The following TRPV2 variants were observed in gnomAD, a reference collection of about 807,000 sequenced individuals.
The protein encoded by TRPV2 is transient receptor potential cation channel subfamily V member 2.
In TRPV2, 58 loss-of-function variants were observed where a neutral mutation model predicts 91.0. The ratio of observed to expected loss-of-function variants is 0.64; its 90% CI spans 0.52 to 0.79. The LOEUF (loss-of-function observed/expected upper bound fraction) is 0.79. TRPV2 is among the 30% of genes least tolerant of loss of function. The pLI is 0.00. For missense variants in TRPV2, 807 were observed against 969.6 expected (o/e 0.83, Z 2.23); for synonymous variants, 417 against 414.8 (o/e 1.01, Z -0.06).
chr17:16,429,092 G>A (rs778362822), intron 10 of TRPV2, 110 bp downstream of exon 10: 23 of 1,229,530 alleles, frequency 1.9e-5, no homozygotes, highest in Middle Eastern at 2.7e-4. Flanking sequence ...CTGCCTGTGC[G>A]CCAGCACTCA....
rs1344824027 is a variant in TRPV2, at chr17:16,428,354, T to C, written c.1388T>C (p.Ile463Thr). ...TGGCGGCGCCACGTGTTCATCTGGA[T>C]CTCGTTCATAGACAGCTACTTTGAA... ...YFWRRHVFIW[I>T]SFIDSYFEIL... is the part of the protein sequence containing the mutation. The change falls in exon 9 of 15, where the codon ATC (isoleucine) becomes ACC (threonine). Residue 463 changes from isoleucine to threonine, a missense_variant. Physicochemically the swap from Ile to Thr is moderately conservative, Grantham distance 89. Coordinates refer to ENST00000338560, the MANE Select transcript of TRPV2 (RefSeq NM_016113.5). The C allele has an allele frequency of 2.1e-5, 34 of 1,614,076 alleles. No individual in the cohort carries two copies. Among genetic ancestry groups the C allele is most frequent in the Non-Finnish European group, 2.9e-5 (34 of 1,180,032 alleles).
rs751125778 is a variant in TRPV2, at chr17:16,423,647, C to T, written c.804C>T (p.Ser268=). 2 of 1,614,208 alleles carry T rather than the reference C, an allele frequency of 1.2e-6. No homozygotes were observed. Among genetic ancestry groups the T allele is most frequent in the Admixed American group, 3.3e-5 (2 of 60,032 alleles). The change falls in exon 5 of 15, where the codon AGC becomes AGT. Residue 268 remains serine (S), a synonymous_variant. Coordinates refer to ENST00000338560, the MANE Select transcript of TRPV2 (RefSeq NM_016113.5). ...CTGAGAACATTGCACTGGTGACCAG[C>T]ATGTATGATGGGCTCCTCCAAGCTG... The part of the protein sequence containing the change: ...NSAENIALVT[S]MYDGLLQAGA...
Position 16,426,170 on chromosome 17 carries a change from C to T in TRPV2, c.996C>T (p.Cys332=), listed in dbSNP as rs1193199113. The T allele has an allele frequency of 3.1e-6, 5 of 1,614,074 alleles. No homozygotes were observed. Among genetic ancestry groups the T allele is most frequent in the Admixed American group, 3.3e-5 (2 of 59,998 alleles). The change falls in exon 6 of 15, where the codon TGC becomes TGT. Residue 332 remains cysteine, a synonymous_variant. Transcript: ENST00000338560. The surrounding 1 kb of genome is among the most constrained non-coding windows in gnomAD (Gnocchi z 6.0). ...TTTCCCGAAAGTTCACCGAGTGGTG[C>T]TATGGGCCTGTCCGGGTGTCGCTGT... ...SHLSRKFTEW[C]YGPVRVSLYD...
At chr17:16,434,467 C>CA (rs10634588) in intron 13 of TRPV2, among the ~76,000 whole-genome samples, 28,030 of 109,568 alleles carry the variant, frequency 0.26, 3,720 homozygotes, top group Middle Eastern at 0.37. Flanking sequence ...GACTCCATCT[C>CA]AAAAAAAAAA....
rs770893441 is a variant in TRPV2, at chr17:16,427,418, G to A, written c.1252-31G>A. The A allele has an allele frequency of 3.1e-6, 5 of 1,605,684 alleles. No homozygotes were observed. In the Admixed American group the frequency reaches 6.7e-5, roughly 22 times the overall value. On this transcript the variant is annotated intron_variant, in intron 7 of 14. Coordinates refer to ENST00000338560, the MANE Select transcript of TRPV2 (RefSeq NM_016113.5). ...GTGAGCTGTTCGAGAGAGGACCCAA[G>A]GCCCTAGGTCTCATCTGAGTGTGTC...
rs2093338046 is a variant in TRPV2, at chr17:16,417,756, C to G, written c.88C>G (p.Leu30Val). 1 of 1,614,082 alleles carries G rather than the reference C, an allele frequency of 6.2e-7. No homozygotes were observed. Among genetic ancestry groups the G allele is most frequent in the African/African-American group, 1.3e-5 (1 of 74,934 alleles). The change falls in exon 2 of 15, where the codon CTG becomes GTG. Residue 30 changes from leucine (L) to valine (V), a missense_variant. Coordinates refer to ENST00000338560, the MANE Select transcript of TRPV2 (RefSeq NM_016113.5). ...TGGCTCTGAGGCGGACAGAGGAAAGCTGGATTTTGGGAGCGGGCTGCCTCC... is the reference window on the plus strand; with the variant it reads ...TGGCTCTGAGGCGGACAGAGGAAAGGTGGATTTTGGGAGCGGGCTGCCTCC... ...EDGSEADRGK[L>V]DFGSGLPPME...
At chr17:16,436,696 C>A in intron 14 of TRPV2, 93 bp from the exon 15 acceptor site, 3 of 855,778 alleles carry the variant, frequency 3.5e-6, no homozygotes, top group African/African-American at 1.7e-5. Context: ...CACGGCATGA[C>A]GTGTTTTCAT....
rs559856130 is a variant in TRPV2, at chr17:16,428,806, C to G, written c.1422-11C>G. On this transcript the variant is annotated splice_polypyrimidine_tract_variant and intron_variant, in intron 9 of 14. Transcript: ENST00000338560. ...GGCCCGCAAGCCCACCTGGATTCTGCTCCCACACAGCCTGTTCCAGGCCCT... is the reference window on the plus strand; with the variant it reads ...GGCCCGCAAGCCCACCTGGATTCTGGTCCCACACAGCCTGTTCCAGGCCCT... 2.2e-5 allele frequency: 36 copies of G among 1,612,734 alleles called. No homozygotes were observed. In the South Asian group the frequency reaches 3.4e-4, roughly 15 times the overall value.
chr17:16,423,402 G>A, intron 4 of TRPV2, 67 bp from the exon 5 acceptor site: 4 of 1,516,784 alleles, frequency 2.6e-6, no homozygotes, highest in Non-Finnish European at 3.5e-6. Context: ...TTTTGTCCAA[G>A]GAGCATGAGG....
intron 9 of TRPV2, 33 bp from the exon 10 acceptor site, chr17:16,428,784 C>T: frequency 6.2e-6 from 10 of 1,611,622 alleles, no homozygotes; most frequent in East Asian, 2.2e-5. Flanking sequence ...GCCAAGTGGC[C>T]CGCAAGCCCA....
In TRPV2 at chr17:16,423,641, G is replaced by A. The variant is rs1180459272; in HGVS notation, c.798G>A (p.Val266=). The A allele has an allele frequency of 1.2e-6, 2 of 1,614,060 alleles. No individual in the cohort carries two copies. The highest frequency in any genetic ancestry group is 1.7e-6 in the Non-Finnish European group (2 of 1,180,046). ...ACTCAGCTGAGAACATTGCACTGGT[G>A]ACCAGCATGTATGATGGGCTCCTCC... ...SDNSAENIAL[V]TSMYDGLLQA... is the part of the protein sequence containing the mutation. The change falls in exon 5 of 15, where the codon GTG becomes GTA. Residue 266 remains valine (V), a synonymous_variant. Coordinates refer to ENST00000338560, the MANE Select transcript of TRPV2 (RefSeq NM_016113.5).
At position 16,433,684 on chromosome 17, in the gene TRPV2, G is replaced by A; in HGVS notation, c.2100G>A (p.Glu700=). ...VGTKPDGSPD[E]RWCFRVEEVN... ...CTAAGCCAGATGGCAGCCCCGATGA[G>A]CGCTGGTGCTTCAGGTGAGTGAGTG... The change falls in exon 13 of 15, where the codon GAG becomes GAA. Residue 700 remains glutamate, a synonymous_variant. Coordinates refer to ENST00000338560, the MANE Select transcript of TRPV2 (RefSeq NM_016113.5). 1 of 1,613,918 alleles carries A rather than the reference G, an allele frequency of 6.2e-7. No individual in the cohort carries two copies. Among genetic ancestry groups the A allele is most frequent in the Non-Finnish European group, 8.5e-7 (1 of 1,179,982 alleles).
Position 16,426,836 on chromosome 17 carries a change from A to G in TRPV2, c.1210A>G (p.Ile404Val), listed in dbSNP as rs2093385496. The change falls in exon 7 of 15, where the codon ATC (isoleucine) becomes GTC (valine). Residue 404 changes from isoleucine to valine, a missense_variant. Coordinates refer to ENST00000338560, the MANE Select transcript of TRPV2 (RefSeq NM_016113.5). The surrounding 1 kb of genome is among the most constrained non-coding windows in gnomAD (Gnocchi z 6.0). ...CCTGTGTAATCTGATCTACATGTTC[A>G]TCTTCACCGCTGTTGCCTACCATCA... ...NFLCNLIYMF[I>V]FTAVAYHQPT... 1.2e-6 allele frequency: 2 copies of G among 1,613,728 alleles called. No homozygotes were observed. Among genetic ancestry groups the G allele is most frequent in the Non-Finnish European group, 1.7e-6 (2 of 1,179,916 alleles).
chr17:16,421,144 C>T (rs932936226), intron 3 of TRPV2, among the ~76,000 whole-genome samples: 3 of 152,014 alleles, frequency 2.0e-5, no homozygotes, highest in Admixed American at 6.6e-5. Context: ...TTAGGTTGTT[C>T]GTAGTTTTTG....
At position 16,423,595 on chromosome 17, in the gene TRPV2, C is replaced by T. The variant is rs2093368450; in HGVS notation, c.752C>T (p.Ala251Val). 6.2e-7 allele frequency: 1 copy of T among 1,614,118 alleles called. No individual in the cohort carries two copies. Among genetic ancestry groups the T allele is most frequent in the African/African-American group, 1.3e-5 (1 of 74,936 alleles). ...TCCCAGGGCAACACAGTCCTGCATG[C>T]CCTAGTGATGATCTCGGACAACTCA... ...TDSQGNTVLH[A>V]LVMISDNSAE... is the part of the protein sequence containing the mutation. Residue 251 changes from alanine to valine, a missense_variant, in exon 5 of 15, where the codon GCC becomes GTC. By Grantham distance (64) the Ala-to-Val change is moderately conservative. Coordinates refer to ENST00000338560, the MANE Select transcript of TRPV2 (RefSeq NM_016113.5).
rs374553794 is a variant in TRPV2, at chr17:16,433,484, C to T, written c.1990-90C>T. 23 of 1,538,006 alleles carry T rather than the reference C, an allele frequency of 1.5e-5. No homozygotes were observed. The South Asian group carries it at 1.9e-4, about 12-fold the overall frequency. ...CTTCGCGTTATACTGTGAAGTGCTG[C>T]GCGGCACTTCCCTGCTCCGCTTGCC... On this transcript the variant is annotated intron_variant, in intron 12 of 14. Transcript: ENST00000338560.
chr17:16,431,271 ATATATATATATATATACATATTTT>A (rs1568918734), intron 10 of TRPV2, among the ~76,000 whole-genome samples: 1 of 72,304 alleles, frequency 1.4e-5, no homozygotes, highest in African/African-American at 6.4e-5. Context: ...ATATATATAT[ATATATATATATATATACATATTTT>A]TTTTTTTTTT....
intron 9 of TRPV2, 119 bp from the exon 10 acceptor site, chr17:16,428,698 G>A: frequency 8.9e-7 from 1 of 1,125,142 alleles, no homozygotes; most frequent in Non-Finnish European, 1.3e-6. Context: ...GGGAACTGAG[G>A]CCCACAGAGG....
At position 16,426,626 on chromosome 17, in the gene TRPV2, C is replaced by G; in HGVS notation, c.1096-96C>G. On this transcript the variant is annotated intron_variant, in intron 6 of 14. Transcript: ENST00000338560. The surrounding 1 kb of genome is among the most constrained non-coding windows in gnomAD (Gnocchi z 6.0). ...TGGAAGCCTGCTCCCTGTCCTCTCTCCTCATTTCCTGGGCCCTTGCTTTGA... is the reference window on the plus strand; with the variant it reads ...TGGAAGCCTGCTCCCTGTCCTCTCTGCTCATTTCCTGGGCCCTTGCTTTGA... The G allele has an allele frequency of 7.0e-7, 1 of 1,428,238 alleles. No homozygotes were observed. Among genetic ancestry groups the G allele is most frequent in the Non-Finnish European group, 9.5e-7 (1 of 1,053,696 alleles). 88.5% of individuals were successfully genotyped at this position (1,428,238 alleles called of 1,614,324 possible).
Sources: gnomAD v4.1 joint callset for allele counts (sites outside exome capture counted in the v4.1 genomes callset) on GRCh38, gnomAD v4.1.1 for gene constraint, Gnocchi (gnomAD v3.1) non-coding constraint, MANE v1.5 for transcripts, NCBI Gene and HGNC (gene_info 2026-07-23, HGNC 2026-07-21) for gene names.